Variants in EPM2A observed in about 807,000 individuals in gnomAD.
EPM2A encodes EPM2A glucan phosphatase, laforin.
EPM2A carries 21 observed loss-of-function variants against 26.5 expected under a neutral mutation model. The ratio of observed to expected loss-of-function variants is 0.79; its 90% CI spans 0.56 to 1.14. The LOEUF is 1.14. Among genes scored for constraint, EPM2A ranks in the 50% most tolerant of loss-of-function variants. EPM2A has a pLI of 0.00. For synonymous variants in EPM2A, 217 were observed against 177.6 expected, an observed-to-expected ratio of 1.22 and a Z score of -1.76; for missense variants, 458 against 440.8, an observed-to-expected ratio of 1.04 and a Z score of -0.35.
rs375301220 is a variant in EPM2A at position 145,411,840 on chromosome 6, C to T, written c.556-27743G>A. Among the ~76,000 whole-genome samples, 28 of 152,232 alleles carry T rather than the reference C, an allele frequency of 1.8e-4. 1 individual carries two copies. The South Asian group carries it at 5.6e-3, about 30-fold the overall frequency. The stretch of plus-strand genomic sequence containing the variant: ...TCATGTCTATGTGAAATCAGCCTCT[C>T]GGCCCTTTTTACAATAGTAGGTATA... On this transcript the variant is annotated intron_variant, in intron 4 of 4. Coordinates refer to the EPM2A transcript ENST00000638717.
At chr6:145,431,556 G>A (rs1291089820) in intron 4 of EPM2A, among the ~76,000 whole-genome samples, 1 of 152,214 alleles carries the variant, frequency 6.6e-6, no homozygotes, top group African/African-American at 2.4e-5. Flanking sequence ...ATAGCATTAT[G>A]TCTAAATAAT....
At chr6:145,698,443 C>A (rs148149080) in intron 1 of EPM2A, among the ~76,000 whole-genome samples, 1 of 151,986 alleles carries the variant, frequency 6.6e-6, no homozygotes, top group Non-Finnish European at 1.5e-5. Context: ...AGGGAAAACT[C>A]CCAGAAGGAC....
chr6:145,554,276 G>A (rs990815918), intron 2 of EPM2A, among the ~76,000 whole-genome samples: 19 of 151,848 alleles, frequency 1.3e-4, no homozygotes, highest in African/African-American at 3.9e-4. Context: ...ATGGACCTCA[G>A]ACCCAGAAAA....
At chr6:145,517,647 A>T (rs1448987680) in intron 2 of EPM2A, among the ~76,000 whole-genome samples, 2 of 152,212 alleles carry the variant, frequency 1.3e-5, no homozygotes, top group African/African-American at 4.8e-5. Flanking sequence ...AATTTATATG[A>T]TTGGTAGGCA....
intron 2 of EPM2A, among the ~76,000 whole-genome samples, chr6:145,546,622 A>T (rs1780586486): frequency 6.6e-6 from 1 of 152,204 alleles, no homozygotes; most frequent in African/African-American, 2.4e-5. Flanking sequence ...GATTGCTAAA[A>T]TGTAAGCTCC....
chr6:145,602,782 G>C (rs1248860223), intron 2 of EPM2A, among the ~76,000 whole-genome samples: 4 of 152,268 alleles, frequency 2.6e-5, no homozygotes, highest in Non-Finnish European at 4.4e-5. Context: ...AAAGTGTTAC[G>C]GAGGGGAAAC....
chr6:145,610,972 G>A (rs1775380085), intron 2 of EPM2A, among the ~76,000 whole-genome samples: 1 of 152,122 alleles, frequency 6.6e-6, no homozygotes, highest in African/African-American at 2.4e-5. Flanking sequence ...AAACCAGTTT[G>A]CTTCCTTTTT....
At chr6:145,516,155 A>C (rs1780123472) in intron 2 of EPM2A, among the ~76,000 whole-genome samples, 1 of 152,184 alleles carries the variant, frequency 6.6e-6, no homozygotes. Flanking sequence ...TGCAAGATGC[A>C]GGGGTAGTGG....
chr6:145,401,928 G>A (rs894192798), intron 4 of EPM2A, among the ~76,000 whole-genome samples: 1 of 151,962 alleles, frequency 6.6e-6, no homozygotes, highest in Non-Finnish European at 1.5e-5. Flanking sequence ...AAAAGAGAGA[G>A]AAGGAAACAC....
intron 2 of EPM2A, among the ~76,000 whole-genome samples, chr6:145,551,961 G>A: frequency 6.6e-6 from 1 of 150,694 alleles, no homozygotes; most frequent in Non-Finnish European, 1.5e-5. Flanking sequence ...ATTATATTTA[G>A]GTAAAACCAA....
chr6:145,586,800 T>C (rs1781201275), intron 2 of EPM2A, among the ~76,000 whole-genome samples: 1 of 152,170 alleles, frequency 6.6e-6, no homozygotes. Context: ...ATTGTAGATA[T>C]GTCTTCAACC....
chr6:145,512,991 A>G (rs1352569386), intron 2 of EPM2A, among the ~76,000 whole-genome samples: 3 of 152,134 alleles, frequency 2.0e-5, no homozygotes, highest in South Asian at 2.1e-4. Flanking sequence ...TCTTCTGGAC[A>G]TCGGCCCAAG....
At chr6:145,556,517 G>T (rs1056780161) in intron 2 of EPM2A, among the ~76,000 whole-genome samples, 2 of 152,066 alleles carry the variant, frequency 1.3e-5, no homozygotes, top group Non-Finnish European at 2.9e-5. Context: ...TAGAGCTCTG[G>T]GAAGTGAAGT....
chr6:145,625,752 C>A lies in EPM2A; in HGVS notation c.*1664G>T. On this transcript the variant is annotated 3_prime_UTR_variant, in exon 4 of 4. Coordinates refer to ENST00000367519, the MANE Select transcript of EPM2A (RefSeq NM_005670.4). Reference sequence around the variant, plus strand: ...CTGCCCAAAGCAAATGTCATCTCCCCTAAGTGCCACAGTTCTATCTCCCCG... The same window carrying A: ...CTGCCCAAAGCAAATGTCATCTCCCATAAGTGCCACAGTTCTATCTCCCCG... The A allele has an allele frequency of 1.9e-6, 2 of 1,051,884 alleles. No homozygotes were observed. 65.2% of individuals were successfully genotyped at this position (1,051,884 alleles called of 1,614,324 possible).
intron 2 of EPM2A, chr6:145,638,685 A>G (rs894753910): frequency 2.0e-5 from 3 of 152,240 alleles, no homozygotes; most frequent in Admixed American, 6.5e-5. Context: ...TGAAAGATAG[A>G]AAAGTAAGGT....
intron 2 of EPM2A, among the ~76,000 whole-genome samples, chr6:145,617,887 G>A (rs558879446): frequency 1.3e-5 from 2 of 152,312 alleles, no homozygotes; most frequent in South Asian, 2.1e-4. Flanking sequence ...AGGCTGCAAT[G>A]AGCTGTTATC....
In EPM2A at chr6:145,735,276, C is replaced by CG. The variant is rs1776795705; in HGVS notation, c.222dup (p.Gly75ArgfsTer33). ...GTGTCCACGCGGCCCGGCTCCGCCC[C>CG]GTCCTGCGCCGCCTCCTCGGCCGCC... is the stretch of plus-strand genomic sequence containing the variant. On this transcript the variant is annotated frameshift_variant, in exon 1 of 4. Transcript: ENST00000367519. LOFTEE classifies it high-confidence loss of function. 1 of 1,496,918 alleles carries CG rather than the reference C, an allele frequency of 6.7e-7. No individual in the cohort carries two copies. The highest frequency in any genetic ancestry group is 2.8e-5 in the East Asian group (1 of 35,392). 92.7% of individuals were successfully genotyped at this position (1,496,918 alleles called of 1,614,324 possible).
intron 2 of EPM2A, among the ~76,000 whole-genome samples, chr6:145,655,492 A>G (rs1043420841): frequency 3.9e-5 from 6 of 152,214 alleles, no homozygotes; most frequent in Non-Finnish European, 7.3e-5. Context: ...GTTCACAAAA[A>G]AGTGAACTTT....
chr6:145,646,141 C>G (rs1777444538), intron 2 of EPM2A, among the ~76,000 whole-genome samples: 1 of 152,008 alleles, frequency 6.6e-6, no homozygotes, highest in Non-Finnish European at 1.5e-5. Context: ...GTTTCACTGA[C>G]AATTTAACAC....
Sources: allele counts gnomAD v4.1 joint callset (sites outside exome capture counted in the v4.1 genomes callset), GRCh38; gene constraint gnomAD v4.1.1; transcripts MANE v1.5; gene names NCBI Gene and HGNC (gene_info 2026-07-23, HGNC 2026-07-21).